The following MALSU1 variants were observed in gnomAD, a reference collection of about 807,000 sequenced individuals.
MALSU1 encodes the protein mitochondrial assembly of ribosomal large subunit protein 1.
A neutral mutation model predicts 22.1 loss-of-function variants in MALSU1; 22 were observed. The ratio of observed to expected loss-of-function variants is 1.00; its 90% CI spans 0.71 to 1.42. MALSU1 has a LOEUF of 1.42. MALSU1 is among the 40% of genes most tolerant of loss of function. MALSU1 has a pLI of 0.00. For missense variants in MALSU1, 379 were observed against 308.3 expected, an observed-to-expected ratio of 1.23 and a Z score of -1.72; for synonymous variants, 153 against 118.5, an observed-to-expected ratio of 1.29 and a Z score of -1.89.
chr7:23,300,989 A>C lies in MALSU1; in HGVS notation c.407A>C (p.His136Pro). The C allele has an allele frequency of 6.2e-7, 1 of 1,614,030 alleles. No homozygotes were observed. The highest frequency in any genetic ancestry group is 1.3e-5 in the African/African-American group (1 of 75,028). ...IVSGTSTRHL[H>P]AMAFYVVKMY... ...AGTGGAACTTCTACCCGACACTTAC[A>C]TGCCATGGCCTTCTACGTTGTGAAA... The change falls in exon 2 of 4, where the codon CAT (histidine) becomes CCT (proline). Residue 136 changes from histidine to proline, a missense_variant. Transcript: ENST00000466681.
rs1336073763 is a variant in MALSU1, at chr7:23,304,057, GA to G, written c.435+3041del. Among the ~76,000 whole-genome samples the G allele has an allele frequency of 4.6e-5, 7 of 151,694 alleles. No individual in the cohort carries two copies. In the East Asian group the frequency reaches 1.4e-3, roughly 29 times the overall value. On this transcript the variant is annotated intron_variant, in intron 2 of 3. Transcript: ENST00000466681. Reference sequence around the variant, plus strand: ...GGAGGTGGAGGTTGCAGTGAGCCGAGATTGTGCCACTGCTCTCCAGCCTGGG... The same window carrying G: ...GGAGGTGGAGGTTGCAGTGAGCCGAGTTGTGCCACTGCTCTCCAGCCTGGG...
chr7:23,309,449 C>T lies in MALSU1; in HGVS notation c.611C>T (p.Ala204Val), dbSNP rs777665888. 2 of 1,613,590 alleles carry T rather than the reference C, an allele frequency of 1.2e-6. No homozygotes were observed. Among genetic ancestry groups the T allele is most frequent in the East Asian group, 4.5e-5 (2 of 44,868 alleles). Reference sequence around the variant, plus strand: ...CTACGTTCTTATGATGACCAGTTAGCTCAGATAGCACCTGAGACAGTACCT... The same window carrying T: ...CTACGTTCTTATGATGACCAGTTAGTTCAGATAGCACCTGAGACAGTACCT... ...WTLRSYDDQLAQIAPETVPED... is the reference protein window; with the variant it reads ...WTLRSYDDQLVQIAPETVPED... Residue 204 changes from alanine to valine, a missense_variant, in exon 4 of 4, where the codon GCT becomes GTT. By Grantham distance (64) the Ala-to-Val change is moderately conservative. Coordinates refer to ENST00000466681, the MANE Select transcript of MALSU1 (RefSeq NM_138446.2).
intron 2 of MALSU1, 74 bp from the exon 3 acceptor site, chr7:23,307,794 A>C (rs1263725611): frequency 6.4e-6 from 6 of 940,746 alleles, no homozygotes; most frequent in Non-Finnish European, 6.7e-6. Context: ...AAACAAACAA[A>C]AAAAAAAGAC....
At chr7:23,301,209 A>T in intron 2 of MALSU1, 192 bp downstream of exon 2, 1 of 531,950 alleles carries the variant, frequency 1.9e-6, no homozygotes, top group South Asian at 3.0e-5. Flanking sequence ...ATCCAGCCCT[A>T]TTGAGTTAGG....
intron 2 of MALSU1, among the ~76,000 whole-genome samples, chr7:23,303,366 C>T (rs979773097): frequency 1.3e-5 from 2 of 152,198 alleles, no homozygotes; most frequent in Non-Finnish European, 2.9e-5. Context: ...GAATTTCCTT[C>T]TTTCTTAAGG....
At chr7:23,303,710 T>C (rs896578608) in intron 2 of MALSU1, among the ~76,000 whole-genome samples, 1 of 151,306 alleles carries the variant, frequency 6.6e-6, no homozygotes, top group African/African-American at 2.4e-5. Context: ...CTTGGAATGC[T>C]GAGGTGGAGG....
intron 1 of MALSU1, among the ~76,000 whole-genome samples, chr7:23,299,832 G>A (rs1488794806): frequency 6.6e-6 from 1 of 152,226 alleles, no homozygotes; most frequent in East Asian, 1.9e-4. Flanking sequence ...CCAGCCTCCC[G>A]GACGGCCATC....
At chr7:23,301,091 C>A in intron 2 of MALSU1, 74 bp downstream of exon 2, 3 of 1,360,080 alleles carry the variant, frequency 2.2e-6, no homozygotes, top group Non-Finnish European at 3.1e-6. Flanking sequence ...CAAGGAGCAA[C>A]ACTTAGAGGG....
At position 23,301,154 on chromosome 7, in the gene MALSU1, G is replaced by A. The variant is rs73279732; in HGVS notation, c.435+137G>A. The A allele has an allele frequency of 5.8e-3, 4,157 of 713,418 alleles. 131 individuals carry two copies. The African/African-American group carries it at 0.066, about 11-fold the overall frequency. 44.2% of individuals were successfully genotyped at this position (713,418 alleles called of 1,614,324 possible). The stretch of plus-strand genomic sequence containing the variant: ...AAGCCCAAATTTTCAGAATTTGCAT[G>A]AATTCATTTTATGTTCTTTGATAGT... On this transcript the variant is annotated intron_variant, in intron 2 of 3. Coordinates refer to ENST00000466681, the MANE Select transcript of MALSU1 (RefSeq NM_138446.2).
chr7:23,309,246 A>G, intron 3 of MALSU1, 110 bp from the exon 4 acceptor site: 1 of 1,003,530 alleles, frequency 1.0e-6, no homozygotes, highest in Non-Finnish European at 1.5e-6. Context: ...TCTGGGAACC[A>G]CACTTGAGAA....
At chr7:23,302,614 C>G (rs911982816) in intron 2 of MALSU1, among the ~76,000 whole-genome samples, 1 of 152,064 alleles carries the variant, frequency 6.6e-6, no homozygotes, top group African/African-American at 2.4e-5. Flanking sequence ...ACTTAGTGAC[C>G]ATTGGACTTG....
intron 3 of MALSU1, among the ~76,000 whole-genome samples, 192 bp from the exon 4 acceptor site, chr7:23,309,164 T>C (rs1783767759): frequency 6.6e-6 from 1 of 152,222 alleles, no homozygotes; most frequent in Admixed American, 6.5e-5. Flanking sequence ...ATGCCTCCTG[T>C]AGGTACACTG....
chr7:23,308,389 A>G (rs1783752077), intron 3 of MALSU1, among the ~76,000 whole-genome samples: 1 of 152,204 alleles, frequency 6.6e-6, no homozygotes, highest in South Asian at 2.1e-4. Flanking sequence ...AAGATCTAAC[A>G]ACTTTGGGTA....
intron 2 of MALSU1, among the ~76,000 whole-genome samples, chr7:23,303,464 C>T (rs1351351086): frequency 6.6e-6 from 1 of 152,092 alleles, no homozygotes; most frequent in Admixed American, 6.6e-5. Context: ...CACCTTTTGG[C>T]TATTGTGAAT....
At chr7:23,303,797 A>T (rs1783689332) in intron 2 of MALSU1, among the ~76,000 whole-genome samples, 1 of 146,108 alleles carries the variant, frequency 6.8e-6, no homozygotes, top group East Asian at 2.0e-4. Flanking sequence ...TGACAGAGCA[A>T]GACGCTGTCT....
In MALSU1 at chr7:23,310,700, CTT is replaced by C. The variant is rs1486068314; in HGVS notation, c.*1159_*1160del. 3.9e-5 allele frequency: 6 copies of C among 152,076 alleles called. No homozygotes were observed. The highest frequency in any genetic ancestry group is 3.9e-4 in the Admixed American group (6 of 15,268). The allele number at this position is 152,076 out of a possible 1,614,324, so 9.4% of individuals were successfully genotyped here. On this transcript the variant is annotated 3_prime_UTR_variant, in exon 4 of 4. Coordinates refer to ENST00000466681, the MANE Select transcript of MALSU1 (RefSeq NM_138446.2). ...TTTTCAGAGAACATTAAGGAAAACACTTTAAATCATTTTCAAAATGTCTAATT... is the reference window on the plus strand; with the variant it reads ...TTTTCAGAGAACATTAAGGAAAACACTAAATCATTTTCAAAATGTCTAATT...
At chr7:23,299,918 G>C (rs1783619234) in intron 1 of MALSU1, among the ~76,000 whole-genome samples, 1 of 152,150 alleles carries the variant, frequency 6.6e-6, no homozygotes, top group Admixed American at 6.5e-5. Context: ...AAATGGGTTT[G>C]TGGGGACTGT....
chr7:23,311,588 G>A lies in MALSU1; in HGVS notation c.*2045G>A, dbSNP rs146026039. On this transcript the variant is annotated 3_prime_UTR_variant, in exon 4 of 4. Coordinates refer to ENST00000466681, the MANE Select transcript of MALSU1 (RefSeq NM_138446.2). ...TGAACATTTGATTTAACTAATAACT[G>A]TGTCAAAAGCCTCAAAAAACCCTGA... 1 of 152,324 alleles carries A rather than the reference G, an allele frequency of 6.6e-6. No homozygotes were observed. Among genetic ancestry groups the A allele is most frequent in the East Asian group, 1.9e-4 (1 of 5,190 alleles). The allele number at this position is 152,324 out of a possible 1,614,324, so 9.4% of individuals were successfully genotyped here.
chr7:23,307,770 T>TAAAA (rs372811002), intron 2 of MALSU1, 98 bp from the exon 3 acceptor site: 1 of 754,586 alleles, frequency 1.3e-6, no homozygotes, highest in Non-Finnish European at 2.2e-6. Context: ...TAAGAAAGAT[T>TAAAA]AAAAAAAACA....
Sources: gnomAD v4.1 joint callset for allele counts (sites outside exome capture counted in the v4.1 genomes callset) on GRCh38, gnomAD v4.1.1 for gene constraint, MANE v1.5 for transcripts, NCBI Gene and HGNC (gene_info 2026-07-23, HGNC 2026-07-21) for gene names.